ABLIM1: variants seen among roughly 807,000 people sequenced by gnomAD.
ABLIM1 encodes actin binding LIM protein 1.
A neutral mutation model predicts 107.0 loss-of-function variants in ABLIM1; 40 were observed. The ratio of observed to expected loss-of-function variants is 0.37; its 90% confidence interval spans 0.29 to 0.49. The LOEUF (loss-of-function observed/expected upper bound fraction) is 0.49. Among genes scored for constraint, ABLIM1 ranks in the 20% least tolerant of loss-of-function variants. The probability of loss-of-function intolerance (pLI) is 0.97; values close to 1 mark genes in which losing one functional copy is unlikely to be tolerated. For missense variants in ABLIM1, 857 were observed against 1,008.5 expected, an observed-to-expected ratio of 0.85 and a Z score of 2.04; for synonymous variants, 357 against 357.3, an observed-to-expected ratio of 1.00 and a Z score of 0.01.
At chr10:114,448,102 T>C (rs537107130) in intron 14 of ABLIM1, 82 bp from the exon 15 acceptor site, 32 of 1,562,716 alleles carry the variant, frequency 2.0e-5, no homozygotes, top group Non-Finnish European at 2.7e-5. Context: ...CATAGTTTTC[T>C]TGTTCTCTGG....
chr10:114,587,291 C>G (rs1347661330), intron 2 of ABLIM1, among the ~76,000 whole-genome samples: 1 of 152,128 alleles, frequency 6.6e-6, no homozygotes, highest in Non-Finnish European at 1.5e-5. Flanking sequence ...ATTAAAGAAG[C>G]TATCAAAAGA....
At chr10:114,574,416 T>C (rs1029869121) in intron 3 of ABLIM1, among the ~76,000 whole-genome samples, 1 of 152,062 alleles carries the variant, frequency 6.6e-6, no homozygotes, top group Admixed American at 6.5e-5. Flanking sequence ...TTTCTTGTTC[T>C]CTGACTGATC....
At chr10:114,525,204 T>C (rs533059640) in intron 6 of ABLIM1, among the ~76,000 whole-genome samples, 1 of 152,292 alleles carries the variant, frequency 6.6e-6, no homozygotes, top group South Asian at 2.1e-4. Context: ...CCATCCAAAA[T>C]GTCAATAATG....
chr10:114,730,406 A>G (rs1471585394), intron 1 of ABLIM1, among the ~76,000 whole-genome samples: 1 of 144,696 alleles, frequency 6.9e-6, no homozygotes, highest in Non-Finnish European at 1.5e-5. Context: ...TCAAAAAAAA[A>G]AAAAAAAAAA....
At chr10:114,734,730 G>C (rs891118540) in intron 1 of ABLIM1, among the ~76,000 whole-genome samples, 1 of 152,154 alleles carries the variant, frequency 6.6e-6, no homozygotes, top group Non-Finnish European at 1.5e-5. Flanking sequence ...ATGGATTATT[G>C]AATTTTCAAA....
intron 1 of ABLIM1, among the ~76,000 whole-genome samples, chr10:114,728,423 A>G (rs1474067372): frequency 6.6e-6 from 1 of 151,902 alleles, no homozygotes; most frequent in Non-Finnish European, 1.5e-5. Flanking sequence ...TCATTATTGT[A>G]ATGGCAAGAC....
intron 4 of ABLIM1, among the ~76,000 whole-genome samples, chr10:114,556,891 A>G (rs1565924296): frequency 6.6e-6 from 1 of 152,228 alleles, no homozygotes; most frequent in East Asian, 1.9e-4. Flanking sequence ...TATGAGGTCA[A>G]CATAAGAAAG....
intron 6 of ABLIM1, among the ~76,000 whole-genome samples, chr10:114,543,046 A>G (rs577107332): frequency 6.6e-6 from 1 of 152,238 alleles, no homozygotes; most frequent in African/African-American, 2.4e-5. Context: ...CCCATTTCTC[A>G]GGCTCCACTC....
intron 5 of ABLIM1, among the ~76,000 whole-genome samples, chr10:114,545,653 G>A (rs557205135): frequency 2.4e-4 from 37 of 152,032 alleles, no homozygotes; most frequent in African/African-American, 6.5e-4. Flanking sequence ...GGCCCGGCAC[G>A]GTGGCTCATG....
chr10:114,694,685 GA>G (rs202085876), intron 1 of ABLIM1, among the ~76,000 whole-genome samples: 3 of 150,082 alleles, frequency 2.0e-5, no homozygotes, highest in Non-Finnish European at 3.0e-5. Flanking sequence ...CTTTAAACAA[GA>G]AAAAAAAAGA....
intron 10 of ABLIM1, among the ~76,000 whole-genome samples, chr10:114,470,684 T>C (rs146413450): frequency 6.6e-6 from 1 of 152,216 alleles, no homozygotes; most frequent in East Asian, 1.9e-4. Context: ...CTTAAGCACT[T>C]ATTATGTGCC....
At chr10:114,798,743 T>C in the ABLIM1 span, among the ~76,000 whole-genome samples, 1 of 152,052 alleles carries the variant, frequency 6.6e-6, no homozygotes, top group African/African-American at 2.4e-5. Flanking sequence ...CCTGTCTCTA[T>C]AAAAAACAAA....
intron 1 of ABLIM1, among the ~76,000 whole-genome samples, chr10:114,680,918 G>A (rs1363063107): frequency 6.6e-6 from 1 of 152,196 alleles, no homozygotes; most frequent in African/African-American, 2.4e-5. Flanking sequence ...ACAGCAGAAT[G>A]TTACTTAACA....
the ABLIM1 span, among the ~76,000 whole-genome samples, chr10:114,795,043 A>G: frequency 0.75 from 113,573 of 152,080 alleles, 42,743 homozygotes; most frequent in African/African-American, 0.84. Context: ...AACTTAAACC[A>G]ACCCTCTCAC....
chr10:114,731,217 T>C (rs2082066205), intron 1 of ABLIM1, among the ~76,000 whole-genome samples: 1 of 151,914 alleles, frequency 6.6e-6, no homozygotes, highest in Non-Finnish European at 1.5e-5. Flanking sequence ...CTTGGCTCAC[T>C]GCAACCTCCG....
At chr10:114,679,635 CAAAA>C (rs757677426) in intron 1 of ABLIM1, among the ~76,000 whole-genome samples, 2 of 86,306 alleles carry the variant, frequency 2.3e-5, no homozygotes, top group Non-Finnish European at 2.5e-5. Flanking sequence ...AACTCCGTCT[CAAAA>C]AAAAAAAAAA....
Position 114,476,436 on chromosome 10 carries a change from G to A in ABLIM1, c.1042-2480C>T, listed in dbSNP as rs563808627. ...GCGGGTGGATCACCTGAGGTCAGGA[G>A]TTTGAGACCAGCCTGGCCAACATGG... On this transcript the variant is annotated intron_variant, in intron 8 of 22. Coordinates refer to ENST00000533213, the MANE Select transcript of ABLIM1 (RefSeq NM_002313.7). 2.6e-5 allele frequency among the ~76,000 whole-genome samples: 4 copies of A among 152,228 alleles called. No individual in the cohort carries two copies. The East Asian group carries it at 7.7e-4, about 29-fold the overall frequency.
rs540972021 is a variant in ABLIM1, at chr10:114,491,818, T to C, written c.955A>G (p.Thr319Ala). ...TGAAGATACATTTCCTCTCCTTCTGTGAACATCTGGTTGCATCTGCTGCAT... is the reference window on the plus strand; with the variant it reads ...TGAAGATACATTTCCTCTCCTTCTGCGAACATCTGGTTGCATCTGCTGCAT... Reference protein sequence around the residue: ...ARCSRCNQMFTEGEEMYLQGS... With the variant: ...ARCSRCNQMFAEGEEMYLQGS... Residue 319 changes from threonine to alanine, a missense_variant, in exon 7 of 23, where the codon ACA becomes GCA. By Grantham distance (58) the Thr-to-Ala change is moderately conservative. This residue lies in a region of ABLIM1 where 381 missense variants were observed against 506.9 expected (regional missense o/e 0.75). Coordinates refer to ENST00000533213, the MANE Select transcript of ABLIM1 (RefSeq NM_002313.7). The C allele has an allele frequency of 5.0e-6, 8 of 1,612,558 alleles. No homozygotes were observed. In the East Asian group the frequency reaches 6.7e-5, roughly 13 times the overall value.
At chr10:114,618,914 G>A (rs1012890749) in intron 1 of ABLIM1, among the ~76,000 whole-genome samples, 5 of 152,140 alleles carry the variant, frequency 3.3e-5, no homozygotes, top group African/African-American at 9.7e-5. Context: ...TTCCCTGGGG[G>A]TGTCTCCATC....
Sources: gnomAD v4.1 joint callset for allele counts (sites outside exome capture counted in the v4.1 genomes callset) on GRCh38, gnomAD v4.1.1 for gene constraint, gnomAD v4.1.1 regional missense constraint, MANE v1.5 for transcripts, NCBI Gene and HGNC (gene_info 2026-07-23, HGNC 2026-07-21) for gene names.